Variants in RIF1 observed in about 807,000 individuals in gnomAD.
RIF1 encodes the protein replication timing regulatory factor 1, also known as telomere-associated protein RIF1.
RIF1 carries 45 observed loss-of-function variants against 247.1 expected under a neutral mutation model. That is an observed-to-expected ratio of 0.18 (90% CI 0.14 to 0.23). The LOEUF (loss-of-function observed/expected upper bound fraction) is 0.23. Among genes scored for constraint, RIF1 ranks in the 10% least tolerant of loss-of-function variants. The probability of loss-of-function intolerance (pLI) is 1.00; values close to 1 mark genes in which losing one functional copy is unlikely to be tolerated. For synonymous variants in RIF1, 1,087 were observed against 978.8 expected (o/e 1.11, Z -2.06); for missense variants, 2,967 against 2,862.5 (o/e 1.04, Z -0.83).
In RIF1 at chr2:151,454,745, A is replaced by G. The variant is rs1694916192; in HGVS notation, c.2345-150A>G. The G allele has an allele frequency of 1.4e-5, 8 of 562,290 alleles. No homozygotes were observed. In the South Asian group the frequency reaches 1.7e-4, roughly 12 times the overall value. 34.8% of individuals were successfully genotyped at this position (562,290 alleles called of 1,614,324 possible). A position where few individuals can be genotyped will look rare whatever the true frequency, so the allele number is the denominator to read the frequency against. ...GATACTTATCCATTAATGGTACATT[A>G]TGTTATGATTTGTTTGGGGTGTCAG... On this transcript the variant is annotated intron_variant, in intron 21 of 35. Coordinates refer to ENST00000444746, the MANE Select transcript of RIF1 (RefSeq NM_018151.5).
chr2:151,432,002 A>C (rs949397714), intron 9 of RIF1, among the ~76,000 whole-genome samples: 3 of 151,972 alleles, frequency 2.0e-5, no homozygotes, highest in African/African-American at 7.3e-5. Flanking sequence ...AATCCTTTTC[A>C]AGTTATTTAT....
At chr2:151,507,151 C>A in intron 13 of RIF1, 2 of 572,034 alleles carry the variant, frequency 3.5e-6, no homozygotes, top group Admixed American at 3.4e-5. Flanking sequence ...GTCTGGTAGC[C>A]CAAGGGAAAT....
In RIF1 at chr2:151,418,275, GCT is replaced by G. The variant is rs558561802; in HGVS notation, c.503+1379_503+1380del. 1.8e-3 allele frequency among the ~76,000 whole-genome samples: 269 copies of G among 152,284 alleles called. 2 individuals are homozygous for G. The highest frequency in any genetic ancestry group is 6.2e-3 in the African/African-American group (258 of 41,560). On this transcript the variant is annotated intron_variant, in intron 6 of 35. Transcript: ENST00000444746. ...GCTGGAGTGTAGTGGTGTGATATCA[GCT>G]CTCTGCAATCTCTACCTCCCAGGTT... is the stretch of plus-strand genomic sequence containing the variant.
At chr2:151,471,237 G>GT (rs1559032369) in intron 34 of RIF1, among the ~76,000 whole-genome samples, 2 of 152,038 alleles carry the variant, frequency 1.3e-5, no homozygotes, top group Non-Finnish European at 1.5e-5. Context: ...CCGTTTTGAG[G>GT]TTGAATAATT....
At chr2:151,514,778 T>A in the RIF1 span, 2 of 1,350,062 alleles carry the variant, frequency 1.5e-6, no homozygotes, top group Non-Finnish European at 2.1e-6. Flanking sequence ...AGTGCAATTA[T>A]TTGGATTAAG....
intron 4 of RIF1, among the ~76,000 whole-genome samples, chr2:151,415,145 A>C (rs929177388): frequency 1.3e-5 from 2 of 151,784 alleles, no homozygotes; most frequent in African/African-American, 4.8e-5. Flanking sequence ...CAGGAGATCG[A>C]GACCATCCTG....
Position 151,423,331 on chromosome 2 carries a change from CTTAA to C in RIF1, c.786+290_786+293del, listed in dbSNP as rs1688486629. 1.8e-5 allele frequency: 5 copies of C among 271,314 alleles called. No homozygotes were observed. In the South Asian group the frequency reaches 2.8e-4, roughly 15 times the overall value. 16.8% of individuals were successfully genotyped at this position (271,314 alleles called of 1,614,324 possible). A position where few individuals can be genotyped will look rare whatever the true frequency, so the allele number is the denominator to read the frequency against. Reference sequence around the variant, plus strand: ...TGCCTTTTTGTTTTAGTTCTCATACCTTAAACAGGTGTCCTTTTTATAATCCATG... The same window carrying C: ...TGCCTTTTTGTTTTAGTTCTCATACCACAGGTGTCCTTTTTATAATCCATG... On this transcript the variant is annotated intron_variant, in intron 8 of 35. Coordinates refer to ENST00000444746, the MANE Select transcript of RIF1 (RefSeq NM_018151.5).
At position 151,419,336 on chromosome 2, in the gene RIF1, A is replaced by AT. The variant is rs1349580007; in HGVS notation, c.504-846dup. 6.6e-5 allele frequency among the ~76,000 whole-genome samples: 10 copies of AT among 151,700 alleles called. No individual in the cohort carries two copies. The South Asian group carries it at 8.3e-4, about 13-fold the overall frequency. On this transcript the variant is annotated intron_variant, in intron 6 of 35. Transcript: ENST00000444746. ...ATTTATTTTTTGTTTTTTTATTACT[A>AT]TTTTTTTTGAGACGGAATCTTGCTC...
At chr2:151,459,357 T>C (rs1255054053) in intron 25 of RIF1, among the ~76,000 whole-genome samples, 2 of 152,238 alleles carry the variant, frequency 1.3e-5, no homozygotes, top group East Asian at 3.8e-4. Context: ...CCTGAAGATA[T>C]AGTAGTTAAA....
intron 16 of RIF1, 57 bp downstream of exon 16, chr2:151,442,048 T>TTTTTATTTCA (rs1692385323): frequency 4.2e-6 from 1 of 237,100 alleles, no homozygotes. Flanking sequence ...ATACTTCCCT[T>TTTTTATTTCA]TTTTATTTTA....
At chr2:151,495,997 G>A (rs1329511470) in intron 10 of RIF1, among the ~76,000 whole-genome samples, 2 of 152,100 alleles carry the variant, frequency 1.3e-5, no homozygotes, top group African/African-American at 4.8e-5. Context: ...AAGAGACCTT[G>A]GGGGTAGTGG....
Position 151,476,668 on chromosome 2 carries a change from T to G in RIF1, c.*1597T>G, listed in dbSNP as rs118038958. 1.4e-4 allele frequency: 21 copies of G among 152,328 alleles called. No individual in the cohort carries two copies. In the East Asian group the frequency reaches 3.5e-3, roughly 25 times the overall value. 9.4% of individuals were successfully genotyped at this position (152,328 alleles called of 1,614,324 possible). ...ATACCAAGGATGGTTTTGTAAAGAA[T>G]TCTGGGATCATTGAATTAAGGATTG... On this transcript the variant is annotated 3_prime_UTR_variant, in exon 36 of 36. Transcript: ENST00000444746.
the RIF1 span, chr2:151,514,500 TAAA>T: frequency 4.1e-6 from 5 of 1,213,542 alleles, no homozygotes; most frequent in East Asian, 1.2e-4. Flanking sequence ...AAGAAGAAAA[TAAA>T]AAACAATTCC....
intron 7 of RIF1, 141 bp from the exon 8 acceptor site, chr2:151,422,809 A>T: frequency 1.9e-6 from 1 of 528,592 alleles, no homozygotes; most frequent in Non-Finnish European, 3.3e-6. Context: ...GACCCACCGC[A>T]CCTGGCCTTG....
At chr2:151,491,487 C>G (rs2056600273) in intron 9 of RIF1, 1 of 478,766 alleles carries the variant, frequency 2.1e-6, no homozygotes, top group African/African-American at 2.0e-5. Context: ...GGCAGTGAAA[C>G]AAAATTTTTT....
At chr2:151,436,788 A>T (rs745522980) in intron 11 of RIF1, 39 bp from the exon 12 acceptor site, 3 of 1,452,564 alleles carry the variant, frequency 2.1e-6, no homozygotes, top group Non-Finnish European at 2.8e-6. Flanking sequence ...ATATAAAATG[A>T]GCTTGTATGA....
Position 151,435,477 on chromosome 2 carries a change from G to A in RIF1, c.1092G>A (p.Leu364=). 3.1e-6 allele frequency: 5 copies of A among 1,607,226 alleles called. No homozygotes were observed. Among genetic ancestry groups the A allele is most frequent in the Non-Finnish European group, 4.3e-6 (5 of 1,173,952 alleles). The change falls in exon 11 of 36, where the codon CTG becomes CTA. Residue 364 remains leucine (L), a synonymous_variant. Transcript: ENST00000444746. ...TTACCCCATAGGTTTGTGTGCCTCT[G>A]ATTCAAAGTACAATAAGCATTGATT... ...PANFEQVCVP[L]IQSTISIDSN...
At chr2:151,493,890 C>G (rs778829512) in intron 9 of RIF1, 9 of 1,435,674 alleles carry the variant, frequency 6.3e-6, no homozygotes, top group South Asian at 5.3e-5. Context: ...AAGTCATGCC[C>G]GAAAGTCACT....
intron 11 of RIF1, among the ~76,000 whole-genome samples, chr2:151,501,738 T>C (rs945906848): frequency 6.6e-6 from 1 of 152,064 alleles, no homozygotes; most frequent in East Asian, 1.9e-4. Context: ...TATGTAGGCC[T>C]TCTCTCAAAG....
Sources: gnomAD v4.1 joint callset for allele counts (sites outside exome capture counted in the v4.1 genomes callset) on GRCh38, gnomAD v4.1.1 for gene constraint, MANE v1.5 for transcripts, NCBI Gene and HGNC (gene_info 2026-07-23, HGNC 2026-07-21) for gene names.